RYK: variants seen among roughly 807,000 people sequenced by gnomAD.
The protein encoded by RYK is inactive tyrosine-protein kinase RYK.
In RYK, 21 loss-of-function variants were observed where a neutral mutation model predicts 70.2. The observed-to-expected ratio is 0.30, with a 90% CI of 0.21 to 0.43. The LOEUF is 0.43. Among genes scored for constraint, RYK ranks in the 20% least tolerant of loss-of-function variants. The probability of loss-of-function intolerance (pLI) is 1.00; values close to 1 mark genes in which losing one functional copy is unlikely to be tolerated. For synonymous variants in RYK, 267 were observed against 278.0 expected (o/e 0.96, Z 0.39); for missense variants, 604 against 753.3 (o/e 0.80, Z 2.32).
At chr3:134,189,055 GTAAAAAGACCCA>G in intron 8 of RYK, 132 bp from the exon 9 acceptor site, 2 of 506,812 alleles carry the variant, frequency 3.9e-6, no homozygotes, top group Non-Finnish European at 6.7e-6. Context: ...TAGCCCTAGA[GTAAAAAGACCCA>G]AATCTTTGGT....
intron 5 of RYK, among the ~76,000 whole-genome samples, chr3:134,206,453 A>C (rs921935140): frequency 8.4e-6 from 1 of 118,986 alleles, no homozygotes; most frequent in African/African-American, 3.0e-5. Context: ...GTTTCTGATT[A>C]ATACAAAACA....
At chr3:134,234,946 T>C (rs1342581420) in intron 1 of RYK, among the ~76,000 whole-genome samples, 4 of 152,118 alleles carry the variant, frequency 2.6e-5, no homozygotes, top group South Asian at 2.1e-4. Flanking sequence ...ATAAAAGATA[T>C]AGTTTATAGG....
intron 9 of RYK, among the ~76,000 whole-genome samples, chr3:134,183,737 T>C (rs186956702): frequency 3.3e-5 from 5 of 152,318 alleles, no homozygotes; most frequent in African/African-American, 1.2e-4. Context: ...CTCATCTATG[T>C]ACAATGTAAT....
At position 134,159,360 on chromosome 3, in the gene RYK, A is replaced by G; in HGVS notation, c.1589T>C (p.Val530Ala). ...CAGAGTCATGAGTTCCCACAGCGTC[A>G]CTCCAAAGGCCCACTAGTAAAGGAG... ...SSASDVWAFG[V>A]TLWELMTLGQ... is the part of the protein sequence containing the mutation. The change falls in exon 14 of 15, where the codon GTG becomes GCG. Residue 530 changes from valine to alanine, a missense_variant. Physicochemically the swap from Val to Ala is moderately conservative, Grantham distance 64. Transcript: ENST00000623711. The G allele has an allele frequency of 6.2e-7, 1 of 1,609,926 alleles. No individual in the cohort carries two copies. The highest frequency in any genetic ancestry group is 2.2e-5 in the East Asian group (1 of 44,792).
At chr3:134,198,676 G>A (rs2013891254) in intron 6 of RYK, among the ~76,000 whole-genome samples, 1 of 152,144 alleles carries the variant, frequency 6.6e-6, no homozygotes. Flanking sequence ...GCTTCCCTGG[G>A]ACAGAAAACA....
intron 13 of RYK, among the ~76,000 whole-genome samples, chr3:134,168,005 A>C (rs1202451469): frequency 3.9e-5 from 6 of 152,228 alleles, no homozygotes; most frequent in Non-Finnish European, 8.8e-5. Context: ...ATGCAGCCAA[A>C]AGACACATGA....
At chr3:134,158,384 A>G (rs1200869877) in intron 14 of RYK, 120 bp from the exon 15 acceptor site, 1 of 430,694 alleles carries the variant, frequency 2.3e-6, no homozygotes, top group Non-Finnish European at 4.0e-6. Flanking sequence ...ATGATATATT[A>G]AAAACGGATC....
intron 1 of RYK, among the ~76,000 whole-genome samples, chr3:134,239,527 G>A (rs75866808): frequency 0.085 from 12,923 of 152,174 alleles, 1,138 homozygotes; most frequent in South Asian, 0.32. Context: ...ACTTCCATTA[G>A]TAAGTATAGC....
chr3:134,158,215 T>C lies in RYK; in HGVS notation c.1762A>G (p.Lys588Glu). The change falls in exon 15 of 15, where the codon AAG (lysine) becomes GAG (glutamate). Residue 588 changes from lysine (K) to glutamate (E), a missense_variant. Around this residue, in one of 2 missense-constraint regions of RYK, gnomAD observed 138 missense variants for 217.4 expected, o/e 0.63. Transcript: ENST00000623711. The stretch of plus-strand genomic sequence containing the variant: ...AGGCACTGTACCAGCTGCTGAAACT[T>C]GGGCCTCTCCTCTGGATCTAAGGCC... ...CWALDPEERP[K>E]FQQLVQCLTE... The C allele has an allele frequency of 6.3e-7, 1 of 1,577,978 alleles. No individual in the cohort carries two copies. Among genetic ancestry groups the C allele is most frequent in the Non-Finnish European group, 8.6e-7 (1 of 1,160,442 alleles).
chr3:134,194,602 G>A (rs1187556412), intron 7 of RYK, among the ~76,000 whole-genome samples: 1 of 152,132 alleles, frequency 6.6e-6, no homozygotes. Flanking sequence ...ATAAATGCCA[G>A]TCCAAAAAAG....
At chr3:134,206,393 A>T (rs1258788308) in intron 5 of RYK, among the ~76,000 whole-genome samples, 1 of 152,230 alleles carries the variant, frequency 6.6e-6, no homozygotes, top group Non-Finnish European at 1.5e-5. Flanking sequence ...CTATGGGACA[A>T]ATGACATAAT....
chr3:134,177,075 CA>C (rs57489944), intron 11 of RYK, among the ~76,000 whole-genome samples: 148,253 of 151,710 alleles, frequency 0.98, 72,525 homozygotes, highest in East Asian at 1. Context: ...AAAAAACAAA[CA>C]AAAAAAAACC....
At chr3:134,180,868 G>A (rs1321449732) in intron 10 of RYK, 2 of 152,134 alleles carry the variant, frequency 1.3e-5, no homozygotes, top group African/African-American at 4.8e-5. Context: ...TTTCCTCAAG[G>A]ACTGAATGCT....
At chr3:134,190,555 TA>T (rs200327072) in intron 8 of RYK, among the ~76,000 whole-genome samples, 180 of 146,710 alleles carry the variant, frequency 1.2e-3, no homozygotes, top group African/African-American at 3.4e-3. Flanking sequence ...CAAACTAACG[TA>T]AAAAAAAAAA....
chr3:134,236,751 C>T (rs1158746888), intron 1 of RYK, among the ~76,000 whole-genome samples: 1 of 152,110 alleles, frequency 6.6e-6, no homozygotes, highest in Non-Finnish European at 1.5e-5. Flanking sequence ...AACTGAGAGT[C>T]CAGAAAGAAA....
intron 1 of RYK, among the ~76,000 whole-genome samples, chr3:134,238,414 C>T (rs1034974496): frequency 6.6e-6 from 1 of 152,170 alleles, no homozygotes; most frequent in Admixed American, 6.5e-5. Flanking sequence ...AGAGAAAGAA[C>T]GTATGCATGA....
chr3:134,240,273 G>A (rs2015291115), intron 1 of RYK, among the ~76,000 whole-genome samples: 1 of 152,158 alleles, frequency 6.6e-6, no homozygotes, highest in African/African-American at 2.4e-5. Context: ...GAGGGCAAAT[G>A]AGTGGAGTAG....
intron 10 of RYK, among the ~76,000 whole-genome samples, chr3:134,182,660 A>G (rs2013337276): frequency 6.6e-6 from 1 of 152,164 alleles, no homozygotes; most frequent in Non-Finnish European, 1.5e-5. Flanking sequence ...TACGTTCAAA[A>G]ATCTCATAAC....
intron 14 of RYK, 45 bp from the exon 15 acceptor site, chr3:134,158,309 T>G (rs1044697612): frequency 7.8e-7 from 1 of 1,275,498 alleles, no homozygotes; most frequent in Non-Finnish European, 1.1e-6. Flanking sequence ...AAGGATACAG[T>G]ATTCATAACT....
Sources: gnomAD v4.1 joint callset for allele counts (sites outside exome capture counted in the v4.1 genomes callset) on GRCh38, gnomAD v4.1.1 for gene constraint, gnomAD v4.1.1 regional missense constraint, MANE v1.5 for transcripts, NCBI Gene and HGNC (gene_info 2026-07-23, HGNC 2026-07-21) for gene names.